The following HIBADH variants were observed in gnomAD, a reference collection of about 807,000 sequenced individuals.
HIBADH encodes the protein 3-hydroxyisobutyrate dehydrogenase, mitochondrial.
A neutral mutation model predicts 36.1 loss-of-function variants in HIBADH; 25 were observed. That is an observed-to-expected ratio of 0.69 (90% CI 0.50 to 0.97). HIBADH has a LOEUF of 0.97. HIBADH is among the 50% of genes least tolerant of loss of function. The pLI is 0.00. For missense variants in HIBADH, 421 were observed against 418.0 expected, an observed-to-expected ratio of 1.01 and a Z score of -0.06; for synonymous variants, 160 against 149.5, an observed-to-expected ratio of 1.07 and a Z score of -0.51.
chr7:27,637,099 ACAG>A (rs758231031), intron 2 of HIBADH, among the ~76,000 whole-genome samples: 1 of 152,168 alleles, frequency 6.6e-6, no homozygotes, highest in Non-Finnish European at 1.5e-5. Flanking sequence ...AGATACAGTA[ACAG>A]CAGCAGCAGC....
chr7:27,572,024 C>T (rs571686723), intron 4 of HIBADH, among the ~76,000 whole-genome samples: 2 of 152,266 alleles, frequency 1.3e-5, no homozygotes, highest in South Asian at 4.1e-4. Flanking sequence ...GAAGTTATGG[C>T]CTCTTTGGGC....
intron 3 of HIBADH, among the ~76,000 whole-genome samples, chr7:27,630,663 G>T (rs187269726): frequency 6.6e-6 from 1 of 152,220 alleles, no homozygotes; most frequent in African/African-American, 2.4e-5. Context: ...CACTCTAGGA[G>T]GCCAAGGCAG....
At chr7:27,537,184 C>A (rs1488883088) in intron 6 of HIBADH, among the ~76,000 whole-genome samples, 1 of 152,152 alleles carries the variant, frequency 6.6e-6, no homozygotes, top group Non-Finnish European at 1.5e-5. Context: ...TACAGACATG[C>A]TTTACCATCT....
At chr7:27,542,270 T>C (rs1784162288) in intron 5 of HIBADH, among the ~76,000 whole-genome samples, 1 of 152,014 alleles carries the variant, frequency 6.6e-6, no homozygotes, top group Non-Finnish European at 1.5e-5. Context: ...AGTGGGCCCA[T>C]GGAGTTCAAA....
Position 27,597,242 on chromosome 7 carries a change from A to G in HIBADH, c.484+32129T>C, listed in dbSNP as rs146700126. On this transcript the variant is annotated intron_variant, in intron 4 of 7. Coordinates refer to ENST00000265395, the MANE Select transcript of HIBADH (RefSeq NM_152740.4). ...GTAAGATGACAGAAACATATGCACT[A>G]TAAGCACTAAAAGGAAGGAAGGCAG... is the stretch of plus-strand genomic sequence containing the variant. Among the ~76,000 whole-genome samples the G allele has an allele frequency of 2.6e-3, 389 of 152,306 alleles. 2 individuals are homozygous for G. The highest frequency in any genetic ancestry group is 8.9e-3 in the African/African-American group (369 of 41,568).
intron 6 of HIBADH, among the ~76,000 whole-genome samples, chr7:27,532,280 T>C (rs143135121): frequency 2.7e-4 from 41 of 152,366 alleles, no homozygotes; most frequent in African/African-American, 8.9e-4. Context: ...ATTTGGTTTC[T>C]TTCATACACA....
intron 5 of HIBADH, among the ~76,000 whole-genome samples, chr7:27,539,643 A>G (rs187169675): frequency 1.6e-3 from 241 of 152,268 alleles, no homozygotes; most frequent in East Asian, 4.4e-3. Flanking sequence ...AGAGAGGACT[A>G]TGGCAAGTAC....
intron 4 of HIBADH, among the ~76,000 whole-genome samples, chr7:27,602,802 T>G (rs1464277575): frequency 6.6e-6 from 1 of 152,084 alleles, no homozygotes; most frequent in South Asian, 2.1e-4. Flanking sequence ...CATGCAAACG[T>G]ACTTTCTCAT....
At chr7:27,618,462 C>A (rs980746802) in intron 4 of HIBADH, among the ~76,000 whole-genome samples, 1 of 152,170 alleles carries the variant, frequency 6.6e-6, no homozygotes, top group African/African-American at 2.4e-5. Context: ...CAGATAGGGA[C>A]CCAGAAGGTA....
At chr7:27,528,378 C>A (rs571733037) in intron 7 of HIBADH, among the ~76,000 whole-genome samples, 1 of 152,206 alleles carries the variant, frequency 6.6e-6, no homozygotes, top group African/African-American at 2.4e-5. Flanking sequence ...TCAAGACAGG[C>A]TGAAAGGCAG....
chr7:27,642,745 G>A lies in HIBADH; in HGVS notation c.252+6728C>T, dbSNP rs980658538. Among the ~76,000 whole-genome samples the A allele has an allele frequency of 5.6e-5, 8 of 143,290 alleles. No individual in the cohort carries two copies. In the East Asian group the frequency reaches 9.0e-4, roughly 16 times the overall value. The allele number at this position is 143,290 out of a possible 152,430, so 94.0% of individuals were successfully genotyped here. ...CGGCTCACTGCAAGCTCCGCCTCCC[G>A]GGTTCACGCCATTCTCCTGCCTCAG... On this transcript the variant is annotated intron_variant, in intron 2 of 7. Transcript: ENST00000265395.
At chr7:27,662,464 G>A (rs1231666920) in intron 1 of HIBADH, among the ~76,000 whole-genome samples, 2 of 152,154 alleles carry the variant, frequency 1.3e-5, no homozygotes, top group Non-Finnish European at 2.9e-5. Context: ...CCCGAAAAGG[G>A]CGCTGAACCC....
chr7:27,529,101 G>T (rs1352892492), intron 7 of HIBADH, among the ~76,000 whole-genome samples: 2 of 152,164 alleles, frequency 1.3e-5, no homozygotes, highest in African/African-American at 4.8e-5. Context: ...CCACTGTTGA[G>T]ACCTACTGGT....
chr7:27,651,493 TCTAA>T (rs1344768911), intron 1 of HIBADH, among the ~76,000 whole-genome samples: 1 of 152,204 alleles, frequency 6.6e-6, no homozygotes, highest in Non-Finnish European at 1.5e-5. Context: ...ATCAGAGAAC[TCTAA>T]CTAATGCTCA....
chr7:27,653,906 C>A (rs1273414545), intron 1 of HIBADH, among the ~76,000 whole-genome samples: 5 of 152,138 alleles, frequency 3.3e-5, no homozygotes, highest in Non-Finnish European at 7.4e-5. Flanking sequence ...CTCTCTGAAG[C>A]CCAAGGGAAC....
At chr7:27,542,376 T>C (rs1372641333) in intron 5 of HIBADH, among the ~76,000 whole-genome samples, 1 of 151,524 alleles carries the variant, frequency 6.6e-6, no homozygotes, top group Non-Finnish European at 1.5e-5. Context: ...GTTTTAAGGA[T>C]GATTTCACTA....
chr7:27,649,113 A>G (rs1475094373), intron 2 of HIBADH: 1 of 160,602 alleles, frequency 6.2e-6, no homozygotes, highest in East Asian at 1.7e-4. Context: ...CTCTTGTTTT[A>G]AAGACATATG....
chr7:27,602,687 C>G (rs1785151285), intron 4 of HIBADH, among the ~76,000 whole-genome samples: 1 of 152,024 alleles, frequency 6.6e-6, no homozygotes, highest in South Asian at 2.1e-4. Context: ...AGGCGTCAGT[C>G]TTTAAAAAAA....
chr7:27,602,375 T>C (rs1785145306), intron 4 of HIBADH, among the ~76,000 whole-genome samples: 1 of 152,168 alleles, frequency 6.6e-6, no homozygotes, highest in African/African-American at 2.4e-5. Context: ...CTGTGTGCAT[T>C]TTCACACTTT....
Sources: gnomAD v4.1 joint callset for allele counts (sites outside exome capture counted in the v4.1 genomes callset) on GRCh38, gnomAD v4.1.1 for gene constraint, MANE v1.5 for transcripts, NCBI Gene and HGNC (gene_info 2026-07-23, HGNC 2026-07-21) for gene names.